SNTG2: variants seen among roughly 807,000 people sequenced by gnomAD.
The protein encoded by SNTG2 is gamma-2-syntrophin.
SNTG2 carries 74 observed loss-of-function variants against 70.9 expected under a neutral mutation model. The ratio of observed to expected loss-of-function variants is 1.04; its 90% CI spans 0.86 to 1.27. The LOEUF is 1.27. SNTG2 is among the 50% of genes most tolerant of loss of function. The pLI is 0.00. For missense variants in SNTG2, 717 were observed against 690.7 expected (o/e 1.04, Z -0.43); for synonymous variants, 278 against 273.8 (o/e 1.02, Z -0.15).
In SNTG2 at chr2:1,298,723, C is replaced by T. The variant is rs187877922; in HGVS notation, c.1285-9771C>T. ...GTGTCAACTTGATTGGCTTGAAGGA[C>T]ACAAAGTATTGATCCTGGGTGTGTC... On this transcript the variant is annotated intron_variant, in intron 14 of 16. Transcript: ENST00000308624. Among the ~76,000 whole-genome samples, 237 of 152,276 alleles carry T rather than the reference C, an allele frequency of 1.6e-3. 1 individual carries two copies. Among genetic ancestry groups the T allele is most frequent in the African/African-American group, 5.2e-3 (218 of 41,556 alleles).
intron 1 of SNTG2, among the ~76,000 whole-genome samples, chr2:998,174 A>G (rs757947350): frequency 3.9e-4 from 59 of 152,174 alleles, no homozygotes; most frequent in Non-Finnish European, 7.3e-4. Context: ...ATGAAAGTAA[A>G]TTCAAAAATA....
intron 4 of SNTG2, among the ~76,000 whole-genome samples, chr2:1,112,773 G>A (rs569733010): frequency 3.7e-4 from 53 of 143,488 alleles, no homozygotes; most frequent in African/African-American, 1.2e-3. Context: ...GTCCTTTGAG[G>A]AGGATCGTGT....
intron 16 of SNTG2, among the ~76,000 whole-genome samples, chr2:1,328,918 T>TACAC (rs35428712): frequency 6.6e-6 from 1 of 151,492 alleles, no homozygotes; most frequent in Non-Finnish European, 1.5e-5. Context: ...CATGCACACA[T>TACAC]ACACACGCAC....
intron 16 of SNTG2, among the ~76,000 whole-genome samples, chr2:1,363,322 C>T (rs1232659416): frequency 1.3e-5 from 2 of 152,210 alleles, no homozygotes; most frequent in African/African-American, 4.8e-5. Context: ...ACTTCTGTAA[C>T]CTCCTCACTT....
At chr2:1,237,769 C>A in intron 9 of SNTG2, 119 bp from the exon 10 acceptor site, 2 of 1,280,056 alleles carry the variant, frequency 1.6e-6, no homozygotes, top group Non-Finnish European at 2.1e-6. Context: ...GGAAGTGGTG[C>A]AGTTGCCCCA....
At chr2:970,736 C>T (rs1453120800) in intron 1 of SNTG2, among the ~76,000 whole-genome samples, 16 of 150,742 alleles carry the variant, frequency 1.1e-4, no homozygotes, top group South Asian at 4.3e-4. Context: ...CATACGTGTG[C>T]ATGTGTCTTT....
intron 1 of SNTG2, among the ~76,000 whole-genome samples, chr2:981,153 A>T (rs558879596): frequency 1.3e-5 from 2 of 152,128 alleles, no homozygotes; most frequent in African/African-American, 4.8e-5. Flanking sequence ...TTTGCTTTTC[A>T]TGATCAAGGT....
Position 1,157,476 on chromosome 2 carries a change from C to T in SNTG2, c.412-8072C>T, listed in dbSNP as rs146437435. 1.2e-4 allele frequency among the ~76,000 whole-genome samples: 18 copies of T among 152,308 alleles called. 1 individual carries two copies. Among genetic ancestry groups the T allele is most frequent in the South Asian group, 2.1e-4 (1 of 4,830 alleles). ...TGCCAGACAGGAGGGACGGTGTCCA[C>T]GAAGAGGCCTTCACACTTAGAAAAA... On this transcript the variant is annotated intron_variant, in intron 6 of 16. Transcript: ENST00000308624.
intron 9 of SNTG2, among the ~76,000 whole-genome samples, chr2:1,228,325 G>A (rs1675937527): frequency 6.6e-6 from 1 of 152,208 alleles, no homozygotes; most frequent in South Asian, 2.1e-4. Context: ...GCCGGCTCTG[G>A]CCCTGATCCA....
At chr2:1,266,859 T>A (rs968085601) in intron 13 of SNTG2, among the ~76,000 whole-genome samples, 7 of 150,364 alleles carry the variant, frequency 4.7e-5, no homozygotes, top group African/African-American at 1.7e-4. Context: ...GCTCAAGCCG[T>A]TCTACTACCT....
intron 14 of SNTG2, among the ~76,000 whole-genome samples, chr2:1,281,430 G>C (rs1679536224): frequency 7.5e-6 from 1 of 132,796 alleles, no homozygotes; most frequent in Admixed American, 7.9e-5. Context: ...TGTGTGGTGT[G>C]GTGTGTGTGT....
At chr2:1,162,298 T>C (rs1026061873) in intron 6 of SNTG2, among the ~76,000 whole-genome samples, 1 of 152,106 alleles carries the variant, frequency 6.6e-6, no homozygotes, top group Admixed American at 6.5e-5. Context: ...CAGGGAGGTG[T>C]CCACACACAC....
intron 1 of SNTG2, among the ~76,000 whole-genome samples, chr2:976,643 A>T (rs1411011095): frequency 6.6e-6 from 1 of 152,124 alleles, no homozygotes; most frequent in East Asian, 1.9e-4. Flanking sequence ...TCTATCACCC[A>T]TTTCGGAACA....
At chr2:1,262,176 C>T (rs1367613764) in intron 13 of SNTG2, among the ~76,000 whole-genome samples, 2 of 152,158 alleles carry the variant, frequency 1.3e-5, no homozygotes, top group Non-Finnish European at 2.9e-5. Context: ...TTCAGAGATT[C>T]AACTCCACTG....
intron 14 of SNTG2, among the ~76,000 whole-genome samples, chr2:1,297,924 A>C (rs1446448094): frequency 3.3e-5 from 5 of 152,140 alleles, no homozygotes; most frequent in African/African-American, 9.7e-5. Context: ...GGGCTTGAGC[A>C]GGGCGCGTGT....
At chr2:1,349,362 C>G (rs753052728) in intron 16 of SNTG2, among the ~76,000 whole-genome samples, 3 of 152,224 alleles carry the variant, frequency 2.0e-5, no homozygotes, top group Non-Finnish European at 4.4e-5. Flanking sequence ...TACATGACTC[C>G]TGAGCAGTAA....
chr2:955,343 A>G (rs776434142), intron 1 of SNTG2, among the ~76,000 whole-genome samples: 14 of 152,236 alleles, frequency 9.2e-5, no homozygotes, highest in South Asian at 4.1e-4. Flanking sequence ...ATGGCACCGA[A>G]TCGTGTTATT....
At chr2:1,098,521 TC>T (rs1665548706) in intron 4 of SNTG2, 111 bp downstream of exon 4, 2 of 1,138,434 alleles carry the variant, frequency 1.8e-6, no homozygotes, top group Non-Finnish European at 2.6e-6. Flanking sequence ...TACCTAAACT[TC>T]CGTTTTATTT....
In SNTG2 at chr2:1,223,847, C is replaced by CGCAGCA. The variant is rs1553363538; in HGVS notation, c.720-14041_720-14040insGCAGCA. 9.2e-3 allele frequency among the ~76,000 whole-genome samples: 1,371 copies of CGCAGCA among 149,698 alleles called. 23 individuals carry two copies. The highest frequency in any genetic ancestry group is 0.032 in the African/African-American group (1,251 of 39,526). On this transcript the variant is annotated intron_variant, in intron 9 of 16. Coordinates refer to ENST00000308624, the MANE Select transcript of SNTG2 (RefSeq NM_018968.4). ...GTTCCACAGATGGGTGACCTTAGTT[C>CGCAGCA]CACAGATGGGTGGCCTTACGCAGCA...
Sources: allele counts gnomAD v4.1 joint callset (sites outside exome capture counted in the v4.1 genomes callset), GRCh38; gene constraint gnomAD v4.1.1; transcripts MANE v1.5; gene names NCBI Gene and HGNC (gene_info 2026-07-23, HGNC 2026-07-21).